BBX: variants seen among roughly 807,000 people sequenced by gnomAD.
BBX encodes the protein BBX high mobility group box domain containing, also known as HMG box transcription factor BBX.
In BBX, 30 loss-of-function variants were observed where a neutral mutation model predicts 100.2. The observed-to-expected ratio is 0.30, with a 90% CI of 0.22 to 0.41. BBX has a LOEUF of 0.41. Ranked by LOEUF, BBX falls within the 10% of genes least tolerant of loss-of-function variation. The pLI is 1.00. For missense variants in BBX, 1,023 were observed against 1,129.8 expected (o/e 0.91, Z 1.35); for synonymous variants, 376 against 388.1 (o/e 0.97, Z 0.37).
chr3:107,578,096 A>G (rs1488717868), intron 2 of BBX, among the ~76,000 whole-genome samples: 2 of 152,192 alleles, frequency 1.3e-5, no homozygotes, highest in Non-Finnish European at 2.9e-5. Flanking sequence ...AAGCAATTCA[A>G]GTTTTCAGAA....
At chr3:107,623,185 G>A (rs2055910226) in intron 2 of BBX, among the ~76,000 whole-genome samples, 1 of 152,182 alleles carries the variant, frequency 6.6e-6, no homozygotes, top group Admixed American at 6.5e-5. Flanking sequence ...CTGCTGTACA[G>A]TTTCCATGAT....
intron 2 of BBX, among the ~76,000 whole-genome samples, chr3:107,633,779 C>T (rs1256160650): frequency 2.0e-5 from 3 of 152,186 alleles, no homozygotes; most frequent in Non-Finnish European, 4.4e-5. Flanking sequence ...TCTGAAACCA[C>T]CATACAAAAT....
chr3:107,659,907 G>A (rs185928613), intron 3 of BBX: 21 of 371,360 alleles, frequency 5.7e-5, no homozygotes, highest in Middle Eastern at 7.6e-4. Context: ...GATTCCCTTC[G>A]TTGAAGTAGT....
chr3:107,535,146 T>A (rs995312073), intron 2 of BBX, among the ~76,000 whole-genome samples: 5 of 152,190 alleles, frequency 3.3e-5, no homozygotes, highest in African/African-American at 7.2e-5. Context: ...TGCCACAATC[T>A]CCTGAGGCTT....
At chr3:107,699,807 C>T (rs2060911706) in intron 3 of BBX, among the ~76,000 whole-genome samples, 2 of 151,698 alleles carry the variant, frequency 1.3e-5, no homozygotes, top group Admixed American at 6.5e-5. Flanking sequence ...AGAGGCCTGG[C>T]CCAGACAAGA....
At chr3:107,634,536 A>G (rs1402715954) in intron 2 of BBX, among the ~76,000 whole-genome samples, 2 of 152,216 alleles carry the variant, frequency 1.3e-5, no homozygotes, top group Non-Finnish European at 2.9e-5. Context: ...TTTCAAGCCT[A>G]TCAAGTCTAT....
chr3:107,642,679 G>T (rs918204754), intron 2 of BBX, among the ~76,000 whole-genome samples: 1 of 152,100 alleles, frequency 6.6e-6, no homozygotes, highest in South Asian at 2.1e-4. Context: ...TGAGTATTCT[G>T]TTCTCCAGAG....
At chr3:107,584,653 G>A (rs915142610) in intron 2 of BBX, among the ~76,000 whole-genome samples, 1 of 105,442 alleles carries the variant, frequency 9.5e-6, no homozygotes, top group African/African-American at 3.4e-5. Context: ...TCTTTAAAAA[G>A]TGATTTTTCC....
intron 3 of BBX, among the ~76,000 whole-genome samples, chr3:107,696,613 C>T (rs564453045): frequency 6.6e-6 from 1 of 152,012 alleles, no homozygotes; most frequent in Non-Finnish European, 1.5e-5. Flanking sequence ...CGAACTTTCT[C>T]TCTGGCTGCC....
chr3:107,584,103 ATTATATATT>A, intron 2 of BBX, among the ~76,000 whole-genome samples: 1 of 21,976 alleles, frequency 4.6e-5, no homozygotes, highest in East Asian at 5.0e-4. Context: ...TATTATATAT[ATTATATATT>A]ATATATAATA....
At chr3:107,631,284 C>T (rs1008122608) in intron 2 of BBX, among the ~76,000 whole-genome samples, 1 of 152,142 alleles carries the variant, frequency 6.6e-6, no homozygotes, top group African/African-American at 2.4e-5. Flanking sequence ...TCAAACATAC[C>T]TCATAAAGTG....
At chr3:107,539,889 C>T (rs574140293) in intron 2 of BBX, among the ~76,000 whole-genome samples, 1 of 152,230 alleles carries the variant, frequency 6.6e-6, no homozygotes, top group South Asian at 2.1e-4. Context: ...TTCATGAGAC[C>T]TGGGACTTTG....
chr3:107,783,740 A>T (rs1163989680), intron 13 of BBX, among the ~76,000 whole-genome samples: 1 of 152,038 alleles, frequency 6.6e-6, no homozygotes, highest in Non-Finnish European at 1.5e-5. Flanking sequence ...TTGCAAATAG[A>T]TTTTAGATAC....
At chr3:107,684,708 C>G (rs1199889995) in intron 3 of BBX, 2 of 152,106 alleles carry the variant, frequency 1.3e-5, no homozygotes, top group African/African-American at 2.4e-5. Flanking sequence ...CAGCTATGAA[C>G]AGTAAGAAAA....
chr3:107,632,322 T>C (rs1182886315), intron 2 of BBX, among the ~76,000 whole-genome samples: 1 of 152,252 alleles, frequency 6.6e-6, no homozygotes, highest in South Asian at 2.1e-4. Flanking sequence ...TGACCTCAGA[T>C]AATCTGCCAG....
intron 10 of BBX, among the ~76,000 whole-genome samples, chr3:107,760,088 A>C (rs2065777604): frequency 1.3e-5 from 2 of 152,212 alleles, no homozygotes; most frequent in South Asian, 4.1e-4. Context: ...TAGGAAACCA[A>C]AAGCTATAGA....
At chr3:107,728,606 C>A (rs1232396601) in intron 5 of BBX, among the ~76,000 whole-genome samples, 159 bp from the exon 6 acceptor site, 1 of 152,154 alleles carries the variant, frequency 6.6e-6, no homozygotes, top group African/African-American at 2.4e-5. Context: ...TCTCTAGAAC[C>A]CTATGCTGAG....
intron 2 of BBX, among the ~76,000 whole-genome samples, chr3:107,598,553 T>C (rs1289534247): frequency 2.6e-5 from 4 of 152,200 alleles, no homozygotes; most frequent in Non-Finnish European, 5.9e-5. Flanking sequence ...TCCCGGCTTA[T>C]TTATTTTGGG....
intron 2 of BBX, among the ~76,000 whole-genome samples, chr3:107,602,762 G>T (rs1445417735): frequency 6.6e-6 from 1 of 152,186 alleles, no homozygotes; most frequent in Non-Finnish European, 1.5e-5. Flanking sequence ...TCTTACAATG[G>T]ATACTTGAAC....
Sources: gnomAD v4.1 joint callset for allele counts (sites outside exome capture counted in the v4.1 genomes callset) on GRCh38, gnomAD v4.1.1 for gene constraint, MANE v1.5 for transcripts, NCBI Gene and HGNC (gene_info 2026-07-23, HGNC 2026-07-21) for gene names.